The following MVB12B variants were observed in gnomAD, a reference collection of about 807,000 sequenced individuals.
MVB12B encodes the protein ESCRT-I complex subunit MVB12B.
MVB12B carries 16 observed loss-of-function variants against 41.6 expected under a neutral mutation model. That is an observed-to-expected ratio of 0.38 (90% CI 0.26 to 0.58). The LOEUF is 0.58. Among genes scored for constraint, MVB12B ranks in the 20% least tolerant of loss-of-function variants. The pLI, the probability that MVB12B is intolerant of heterozygous loss-of-function variation, is 0.62. For synonymous variants in MVB12B, 133 were observed against 139.7 expected (o/e 0.95, Z 0.34); for missense variants, 274 against 380.2 (o/e 0.72, Z 2.32).
chr9:126,476,079 A>AGGGGTGGAGCACATGGGCCGAGGGGT (rs1382986160), intron 7 of MVB12B, among the ~76,000 whole-genome samples: 5 of 97,592 alleles, frequency 5.1e-5, no homozygotes, highest in South Asian at 7.8e-4. Context: ...GGGTGGAGCG[A>AGGGGTGGAGCACATGGGCCGAGGGGT]GGCCGTCAAA....
intron 9 of MVB12B, among the ~76,000 whole-genome samples, chr9:126,488,945 C>T (rs1229832890): frequency 6.6e-6 from 1 of 152,192 alleles, no homozygotes; most frequent in Admixed American, 6.5e-5. Flanking sequence ...TGGGCAGCCA[C>T]AGGGAGCTCC....
In MVB12B at chr9:126,503,127, T is replaced by G. The variant is rs112277604; in HGVS notation, c.874-50T>G. 10,634 of 1,463,552 alleles carry G rather than the reference T, an allele frequency of 7.3e-3. 173 individuals are homozygous for G. Among genetic ancestry groups the G allele is most frequent in the African/African-American group, 0.066 (4,688 of 71,404 alleles). The allele number at this position is 1,463,552 out of a possible 1,614,324, so 90.7% of individuals were successfully genotyped here. On this transcript the variant is annotated intron_variant, in intron 9 of 9. Coordinates refer to ENST00000361171, the MANE Select transcript of MVB12B (RefSeq NM_033446.3). ...ATCTGAGGCTGTGGAGGGGTTTCCC[T>G]AGTGTCCCATGGACTGACTGTGTCT...
intron 6 of MVB12B, among the ~76,000 whole-genome samples, chr9:126,406,568 C>A (rs1215742429): frequency 6.6e-6 from 1 of 152,170 alleles, no homozygotes; most frequent in Non-Finnish European, 1.5e-5. Context: ...CTAGCAGTGC[C>A]CATATGTTCC....
chr9:126,328,975 G>C (rs1409344571), intron 1 of MVB12B, among the ~76,000 whole-genome samples: 1 of 151,996 alleles, frequency 6.6e-6, no homozygotes, highest in Non-Finnish European at 1.5e-5. Flanking sequence ...TAGAGTTGGG[G>C]TCTTGCTATG....
At chr9:126,343,029 G>C (rs987484393) in intron 2 of MVB12B, among the ~76,000 whole-genome samples, 1 of 152,216 alleles carries the variant, frequency 6.6e-6, no homozygotes, top group Non-Finnish European at 1.5e-5. Flanking sequence ...TGGACTGGTG[G>C]CCCTGAGTAG....
chr9:126,500,818 A>G (rs1386087861), intron 9 of MVB12B, among the ~76,000 whole-genome samples: 2 of 152,098 alleles, frequency 1.3e-5, no homozygotes, highest in African/African-American at 4.8e-5. Context: ...CAGGCCCCGA[A>G]TCTGCTTTCA....
rs1833506946 is a variant in MVB12B at position 126,480,606 on chromosome 9, C to G, written c.758-763C>G. ...CATCGTTGCGTCCCCGTTCCATGCC[C>G]TTTTTCTCGTGTCCTGTTAAAATTG... On this transcript the variant is annotated intron_variant, in intron 7 of 9. Coordinates refer to ENST00000361171, the MANE Select transcript of MVB12B (RefSeq NM_033446.3). The surrounding 1 kb of genome is among the most constrained non-coding windows in gnomAD (Gnocchi z 4.9). Among the ~76,000 whole-genome samples the G allele has an allele frequency of 6.6e-6, 1 of 152,294 alleles. No individual in the cohort carries two copies. Among genetic ancestry groups the G allele is most frequent in the South Asian group, 2.1e-4 (1 of 4,824 alleles).
intron 2 of MVB12B, among the ~76,000 whole-genome samples, chr9:126,379,239 A>C (rs1430666611): frequency 2.0e-5 from 3 of 152,254 alleles, no homozygotes; most frequent in African/African-American, 7.2e-5. Context: ...TGCATCTTAA[A>C]ATAGATGCAT....
chr9:126,341,691 C>A (rs1366657196), intron 2 of MVB12B, among the ~76,000 whole-genome samples: 1 of 152,212 alleles, frequency 6.6e-6, no homozygotes, highest in African/African-American at 2.4e-5. Context: ...TTTTCCTGTG[C>A]ATCGTATGAT....
intron 4 of MVB12B, among the ~76,000 whole-genome samples, chr9:126,390,699 G>A (rs936199010): frequency 2.0e-5 from 3 of 152,146 alleles, no homozygotes; most frequent in South Asian, 4.1e-4. Flanking sequence ...GGTGGCTCAC[G>A]CCTGTAACCC....
intron 1 of MVB12B, among the ~76,000 whole-genome samples, chr9:126,331,589 C>G (rs1485696452): frequency 6.6e-6 from 1 of 152,074 alleles, no homozygotes; most frequent in African/African-American, 2.4e-5. Flanking sequence ...TGTTGATTGC[C>G]TTTTGCTGCA....
chr9:126,497,574 A>G (rs1833864660), intron 9 of MVB12B, among the ~76,000 whole-genome samples: 1 of 152,136 alleles, frequency 6.6e-6, no homozygotes, highest in Non-Finnish European at 1.5e-5. Flanking sequence ...CCTGAGCTCC[A>G]GGCCCAGCTA....
At chr9:126,429,724 C>CT (rs1832279297) in intron 7 of MVB12B, among the ~76,000 whole-genome samples, 1 of 152,220 alleles carries the variant, frequency 6.6e-6, no homozygotes, top group African/African-American at 2.4e-5. Flanking sequence ...ATTGGATGTG[C>CT]TTTTCTACAT....
At chr9:126,497,399 C>T (rs1434513651) in intron 9 of MVB12B, among the ~76,000 whole-genome samples, 1 of 152,118 alleles carries the variant, frequency 6.6e-6, no homozygotes, top group Non-Finnish European at 1.5e-5. Context: ...CTGCCCACGC[C>T]CCGCAGTGTG....
chr9:126,440,153 G>A (rs1482910325), intron 7 of MVB12B, among the ~76,000 whole-genome samples: 1 of 152,196 alleles, frequency 6.6e-6, no homozygotes, highest in African/African-American at 2.4e-5. Context: ...TTGCTGTATG[G>A]AGCCTTGTTT....
At chr9:126,369,487 A>T (rs1350109479) in intron 2 of MVB12B, among the ~76,000 whole-genome samples, 1 of 152,210 alleles carries the variant, frequency 6.6e-6, no homozygotes, top group African/African-American at 2.4e-5. Context: ...ATTGATGCCC[A>T]TGCAACCCCC....
chr9:126,481,303 G>T (rs1833518111), intron 7 of MVB12B, 66 bp from the exon 8 acceptor site: 2 of 1,338,056 alleles, frequency 1.5e-6, no homozygotes, highest in Admixed American at 1.7e-5. Context: ...GACATCTTCA[G>T]TTGCTGGACA....
At chr9:126,475,240 G>A (rs1239558110) in intron 7 of MVB12B, among the ~76,000 whole-genome samples, 1 of 152,104 alleles carries the variant, frequency 6.6e-6, no homozygotes, top group Non-Finnish European at 1.5e-5. Flanking sequence ...GCCCACCTCG[G>A]CTTCCCATCA....
intron 6 of MVB12B, chr9:126,396,881 G>A (rs781592594): frequency 4.2e-5 from 41 of 985,368 alleles, no homozygotes; most frequent in Non-Finnish European, 4.8e-5. Context: ...AGTCTCTGTT[G>A]GGTTCAAGAG....
Sources: allele counts gnomAD v4.1 joint callset (sites outside exome capture counted in the v4.1 genomes callset), GRCh38; gene constraint gnomAD v4.1.1; non-coding constraint Gnocchi (gnomAD v3.1); transcripts MANE v1.5; gene names NCBI Gene and HGNC (gene_info 2026-07-23, HGNC 2026-07-21).